The following FARP2 variants were observed in gnomAD, a reference collection of about 807,000 sequenced individuals.
FARP2 encodes the protein FERM, ARHGEF and pleckstrin domain-containing protein 2.
Under a neutral mutation model 130.5 loss-of-function variants are expected in FARP2, and 111 were observed. The observed-to-expected ratio is 0.85, with a 90% CI of 0.73 to 1.00. The LOEUF is 1.00. FARP2 is among the 50% of genes least tolerant of loss of function. The pLI, the probability that FARP2 is intolerant of heterozygous loss-of-function variation, is 0.00. For synonymous variants in FARP2, 504 were observed against 516.9 expected (o/e 0.98, Z 0.34); for missense variants, 1,385 against 1,346.3 (o/e 1.03, Z -0.45).
rs200696892 is a variant in FARP2 at position 241,456,703 on chromosome 2, C to A, written c.1412-44C>A. On this transcript the variant is annotated intron_variant, in intron 13 of 26. Transcript: ENST00000264042. ...AGCGGCTCTAAGCCAGCCTCACAGC[C>A]CTTTCTCATTTCTCGCTCCATCCCC... is the stretch of plus-strand genomic sequence containing the variant. 10 of 1,604,074 alleles carry A rather than the reference C, an allele frequency of 6.2e-6. No homozygotes were observed. In the South Asian group the frequency reaches 1.1e-4, roughly 18 times the overall value.
At chr2:241,491,774 C>T in intron 24 of FARP2, 95 bp downstream of exon 24, 6 of 1,295,052 alleles carry the variant, frequency 4.6e-6, no homozygotes, top group Non-Finnish European at 4.2e-6. Flanking sequence ...AGGGTACCAG[C>T]AGGCAGGCTT....
At chr2:241,424,862 A>G (rs1368425126) in intron 8 of FARP2, among the ~76,000 whole-genome samples, 5 of 152,174 alleles carry the variant, frequency 3.3e-5, no homozygotes, top group African/African-American at 1.2e-4. Flanking sequence ...AAACTGATAA[A>G]TTCCTGGACA....
At chr2:241,453,589 T>C (rs1353441449) in intron 13 of FARP2, among the ~76,000 whole-genome samples, 2 of 150,760 alleles carry the variant, frequency 1.3e-5, no homozygotes, top group Non-Finnish European at 3.0e-5. Flanking sequence ...GTCACTGCAC[T>C]CCAGCCTGGG....
chr2:241,466,699 C>CACCACCA, intron 17 of FARP2: 1 of 641,156 alleles, frequency 1.6e-6, no homozygotes, highest in Non-Finnish European at 1.9e-6. Flanking sequence ...ACCCCCCCCC[C>CACCACCA]CACCACCACC....
At chr2:241,474,511 C>T (rs1050568432) in intron 18 of FARP2, among the ~76,000 whole-genome samples, 2 of 151,396 alleles carry the variant, frequency 1.3e-5, no homozygotes, top group Non-Finnish European at 2.9e-5. Context: ...GAGAAGGTGG[C>T]CGGGCATGGT....
At chr2:241,423,869 G>A (rs778959686) in intron 8 of FARP2, among the ~76,000 whole-genome samples, 6 of 152,076 alleles carry the variant, frequency 3.9e-5, no homozygotes, top group Non-Finnish European at 5.9e-5. Context: ...ACAAAGATGG[G>A]CATTATATAA....
chr2:241,466,697 C>CACCACCACCA, intron 17 of FARP2: 1 of 676,634 alleles, frequency 1.5e-6, no homozygotes, highest in Non-Finnish European at 1.8e-6. Context: ...CCACCCCCCC[C>CACCACCACCA]CCCACCACCA....
Position 241,392,816 on chromosome 2 carries a change from G to A in FARP2, c.184-11012G>A, listed in dbSNP as rs189976085. On this transcript the variant is annotated intron_variant, in intron 2 of 26. Transcript: ENST00000264042. ...CTATTATCTGGGTGTGGTGATGTAT[G>A]CCTGTAATCCCAACTACTTAGGAGG... is the stretch of plus-strand genomic sequence containing the variant. Among the ~76,000 whole-genome samples, 754 of 151,860 alleles carry A rather than the reference G, an allele frequency of 5.0e-3. 6 individuals carry two copies. Among genetic ancestry groups the A allele is most frequent in the African/African-American group, 0.017 (722 of 41,446 alleles).
At chr2:241,464,020 T>A (rs1241204462) in intron 17 of FARP2, 40 bp downstream of exon 17, 1 of 1,545,448 alleles carries the variant, frequency 6.5e-7, no homozygotes, top group Non-Finnish European at 8.9e-7. Flanking sequence ...GAATGCTGTT[T>A]ATGGGAGCAA....
intron 8 of FARP2, among the ~76,000 whole-genome samples, chr2:241,428,234 CTTT>C (rs11397989): frequency 8.0e-6 from 1 of 124,968 alleles, no homozygotes; most frequent in Admixed American, 8.8e-5. Context: ...CAATATTTTA[CTTT>C]TTTTTTTTTT....
At chr2:241,380,487 T>A (rs535759537) in intron 2 of FARP2, among the ~76,000 whole-genome samples, 3 of 152,276 alleles carry the variant, frequency 2.0e-5, no homozygotes, top group South Asian at 4.2e-4. Context: ...GTATCCCTTA[T>A]CTAACATGCT....
chr2:241,463,814 A>G, intron 16 of FARP2, 85 bp from the exon 17 acceptor site: 2 of 1,201,004 alleles, frequency 1.7e-6, no homozygotes, highest in Non-Finnish European at 2.4e-6. Context: ...AGCTGGAACC[A>G]AGGCAGCTGT....
intron 12 of FARP2, among the ~76,000 whole-genome samples, chr2:241,440,920 A>G (rs577658579): frequency 6.6e-6 from 1 of 152,150 alleles, no homozygotes; most frequent in African/African-American, 2.4e-5. Context: ...GAAGGCGAAG[A>G]TGGGTGGATC....
intron 7 of FARP2, among the ~76,000 whole-genome samples, chr2:241,414,524 C>A (rs2062612959): frequency 6.6e-6 from 1 of 152,224 alleles, no homozygotes; most frequent in Non-Finnish European, 1.5e-5. Flanking sequence ...GCCAGCTATG[C>A]ATCCACCACT....
chr2:241,469,775 G>A (rs1235039463), intron 18 of FARP2, among the ~76,000 whole-genome samples: 1 of 152,224 alleles, frequency 6.6e-6, no homozygotes, highest in African/African-American at 2.4e-5. Context: ...CTGGGGCCCA[G>A]GTTCTGGCCA....
intron 2 of FARP2, among the ~76,000 whole-genome samples, chr2:241,381,430 A>G (rs1248539030): frequency 6.6e-6 from 1 of 152,090 alleles, no homozygotes; most frequent in Non-Finnish European, 1.5e-5. Flanking sequence ...AGCTCCCCTC[A>G]GCCTGCCTCA....
At chr2:241,413,031 A>G (rs771810766) in intron 6 of FARP2, among the ~76,000 whole-genome samples, 12 of 152,198 alleles carry the variant, frequency 7.9e-5, no homozygotes, top group Non-Finnish European at 1.6e-4. Flanking sequence ...TTGTGTCAAA[A>G]TAATAATAAA....
intron 8 of FARP2, among the ~76,000 whole-genome samples, chr2:241,425,228 C>G (rs1307806535): frequency 2.6e-5 from 4 of 151,898 alleles, no homozygotes; most frequent in Admixed American, 2.0e-4. Context: ...CAAAAAAAAC[C>G]CTGGAAGAAA....
Position 241,494,021 on chromosome 2 carries a change from ATCCAGGGGGCCAGCAGC to A in FARP2, c.3064_3080del (p.Gln1022SerfsTer155). 1 of 1,393,542 alleles carries A rather than the reference ATCCAGGGGGCCAGCAGC, an allele frequency of 7.2e-7. No homozygotes were observed. The highest frequency in any genetic ancestry group is 1.5e-5 in the African/African-American group (1 of 67,020). 86.3% of individuals were successfully genotyped at this position (1,393,542 alleles called of 1,614,324 possible). On this transcript the variant is annotated frameshift_variant, in exon 27 of 27. Transcript: ENST00000264042. LOFTEE classifies it low-confidence loss of function (END_TRUNC). This position sits in a 1 kb window ranked among gnomAD's most constrained non-coding sequence, Gnocchi z 4.9. ...CCTCTCCTCCAGGTGGATGGAGGTG[ATCCAGGGGGCCAGCAGC>A]TCAGCCGGGAGGGCCCCAAGCATCG...
Sources: allele counts gnomAD v4.1 joint callset (sites outside exome capture counted in the v4.1 genomes callset), GRCh38; gene constraint gnomAD v4.1.1; non-coding constraint Gnocchi (gnomAD v3.1); transcripts MANE v1.5; gene names NCBI Gene and HGNC (gene_info 2026-07-23, HGNC 2026-07-21).